PRIMA1: variants seen among roughly 807,000 people sequenced by gnomAD.
PRIMA1 encodes the protein proline-rich membrane anchor 1.
A neutral mutation model predicts 17.5 loss-of-function variants in PRIMA1; 7 were observed. The observed-to-expected ratio is 0.40, with a 90% confidence interval of 0.23 to 0.75. The LOEUF is 0.75. Among genes scored for constraint, PRIMA1 ranks in the 30% least tolerant of loss-of-function variants. The pLI is 0.37. For synonymous variants in PRIMA1, 97 were observed against 77.9 expected (o/e 1.25, Z -1.29); for missense variants, 200 against 201.8 (o/e 0.99, Z 0.05).
intron 4 of PRIMA1, among the ~76,000 whole-genome samples, chr14:93,733,242 C>G (rs764914688): frequency 6.6e-5 from 10 of 152,220 alleles, no homozygotes; most frequent in Non-Finnish European, 1.3e-4. Context: ...ACCTGGCTAC[C>G]AGGTCTGGGC....
At chr14:93,740,718 G>A (rs867237744) in intron 3 of PRIMA1, among the ~76,000 whole-genome samples, 8 of 152,192 alleles carry the variant, frequency 5.3e-5, no homozygotes, top group African/African-American at 1.7e-4. Context: ...TGGAAATATC[G>A]GAGTGGGTGC....
intron 4 of PRIMA1, among the ~76,000 whole-genome samples, chr14:93,733,778 T>C (rs535921686): frequency 6.6e-6 from 1 of 152,368 alleles, no homozygotes; most frequent in African/African-American, 2.4e-5. Context: ...AGATGAATTA[T>C]TGACCAAAAA....
At position 93,722,959 on chromosome 14, in the gene PRIMA1, C is replaced by T. The variant is rs377710358; in HGVS notation, c.360-1413G>A. On this transcript the variant is annotated intron_variant, in intron 4 of 4. Transcript: ENST00000393140. The stretch of plus-strand genomic sequence containing the variant: ...CTAACCCCAAAAGTGGTTTTTCCTA[C>T]GCATATAAGGGATCAGGAAGGCTGG... Among the ~76,000 whole-genome samples, 9 of 152,038 alleles carry T rather than the reference C, an allele frequency of 5.9e-5. No individual in the cohort carries two copies. The South Asian group carries it at 6.2e-4, about 11-fold the overall frequency.
In PRIMA1 at chr14:93,726,976, G is replaced by T. The variant is rs1036390202; in HGVS notation, c.360-5430C>A. Among the ~76,000 whole-genome samples the T allele has an allele frequency of 2.6e-5, 4 of 152,154 alleles. No individual in the cohort carries two copies. The highest frequency in any genetic ancestry group is 4.4e-5 in the Non-Finnish European group (3 of 68,040). ...ACACACACTCAGCGTTCCATGATGA[G>T]ACTCCTCTGTAGACCTCAGACTTCC... is the stretch of plus-strand genomic sequence containing the variant. On this transcript the variant is annotated intron_variant, in intron 4 of 4. Transcript: ENST00000393140. This position sits in a 1 kb window ranked among gnomAD's most constrained non-coding sequence, Gnocchi z 4.2.
chr14:93,778,014 A>G (rs1190147490), intron 3 of PRIMA1, among the ~76,000 whole-genome samples: 1 of 152,236 alleles, frequency 6.6e-6, no homozygotes, highest in Non-Finnish European at 1.5e-5. Context: ...GGATTCTTTC[A>G]GGAGAGAGGA....
intron 3 of PRIMA1, among the ~76,000 whole-genome samples, chr14:93,757,026 A>C (rs1411158362): frequency 6.6e-6 from 1 of 152,134 alleles, no homozygotes; most frequent in Non-Finnish European, 1.5e-5. Context: ...AGAAAACCCA[A>C]CCTTTTTATC....
At chr14:93,739,640 GT>G (rs754647300) in intron 3 of PRIMA1, among the ~76,000 whole-genome samples, 5 of 152,198 alleles carry the variant, frequency 3.3e-5, no homozygotes, top group Non-Finnish European at 5.9e-5. Context: ...GAAGGGAGCA[GT>G]TACTGATTTG....
chr14:93,725,878 T>C (rs2076072131), intron 4 of PRIMA1: 2 of 453,988 alleles, frequency 4.4e-6, no homozygotes, highest in South Asian at 1.6e-5. Flanking sequence ...TAGAGAGAGT[T>C]GTTAGGACCC....
intron 3 of PRIMA1, among the ~76,000 whole-genome samples, chr14:93,771,840 G>C (rs956959584): frequency 2.0e-5 from 3 of 152,154 alleles, no homozygotes; most frequent in African/African-American, 7.2e-5. Context: ...GTGAGGCCCA[G>C]GGAAGGAAAG....
At position 93,787,693 on chromosome 14, in the gene PRIMA1, C is replaced by G. The variant is rs1356463267; in HGVS notation, c.26G>C (p.Arg9Pro). 1 of 1,544,402 alleles carries G rather than the reference C, an allele frequency of 6.5e-7. No homozygotes were observed. The highest frequency in any genetic ancestry group is 1.2e-5 in the South Asian group (1 of 84,026). ...CAGCGAGGACCAGCAGCAGCCACGG[C>G]GCAGCACCAAGTCCCGGAGGAGCAT... MLLRDLVL[R>P]RGCCWSSLLL... Residue 9 changes from arginine (R) to proline (P), a missense_variant, in exon 2 of 5, where the codon CGC (arginine) becomes CCC (proline). Physicochemically the swap from Arg to Pro is moderately radical, Grantham distance 103. Coordinates refer to ENST00000393140, the MANE Select transcript of PRIMA1 (RefSeq NM_178013.4).
intron 3 of PRIMA1, among the ~76,000 whole-genome samples, chr14:93,744,235 C>T (rs939732719): frequency 6.6e-6 from 1 of 152,232 alleles, no homozygotes; most frequent in African/African-American, 2.4e-5. Flanking sequence ...CCACCCTTTC[C>T]CTGCCTCAGG....
At chr14:93,769,414 G>C (rs1026127940) in intron 3 of PRIMA1, among the ~76,000 whole-genome samples, 1 of 152,222 alleles carries the variant, frequency 6.6e-6, no homozygotes, top group African/African-American at 2.4e-5. Flanking sequence ...GACCAGGCAA[G>C]TGGATCACAG....
chr14:93,750,972 C>T (rs1307409658), intron 3 of PRIMA1, among the ~76,000 whole-genome samples: 1 of 152,174 alleles, frequency 6.6e-6, no homozygotes, highest in Admixed American at 6.5e-5. Context: ...CTTGGCCACA[C>T]CATACCCACT....
chr14:93,776,112 A>G (rs1885215081), intron 3 of PRIMA1, among the ~76,000 whole-genome samples: 1 of 152,212 alleles, frequency 6.6e-6, no homozygotes, highest in Admixed American at 6.5e-5. Flanking sequence ...AGCCAGCCTG[A>G]GAGAAAAGGC....
chr14:93,738,092 C>T (rs8010323), intron 3 of PRIMA1, among the ~76,000 whole-genome samples: 101,412 of 151,972 alleles, frequency 0.67, 35,195 homozygotes, highest in Non-Finnish European at 0.78. Flanking sequence ...GGGTATTTGC[C>T]GCTGTCTCAG....
chr14:93,732,615 G>A (rs996055204), intron 4 of PRIMA1, among the ~76,000 whole-genome samples: 3 of 152,224 alleles, frequency 2.0e-5, no homozygotes, highest in Non-Finnish European at 4.4e-5. Context: ...CCAGTGCCTG[G>A]CACCTGGTCC....
intron 4 of PRIMA1, chr14:93,725,792 G>A (rs772084436): frequency 1.9e-5 from 7 of 361,278 alleles, no homozygotes; most frequent in Non-Finnish European, 3.3e-5. Context: ...TGGCCCCACC[G>A]GCTGGCAGCA....
intron 4 of PRIMA1, among the ~76,000 whole-genome samples, chr14:93,725,256 G>C (rs945871546): frequency 1.3e-5 from 2 of 152,128 alleles, no homozygotes; most frequent in Non-Finnish European, 2.9e-5. Context: ...AGGAGCATTC[G>C]GGAGCCCGCG....
rs138554653 is a variant in PRIMA1, at chr14:93,735,747, A to G, written c.359+1494T>C. 6.9e-5 allele frequency among the ~76,000 whole-genome samples: 10 copies of G among 144,448 alleles called. 1 individual carries two copies. In the Middle Eastern group the frequency reaches 0.015, roughly 216 times the overall value. The allele number at this position is 144,448 out of a possible 152,430, so 94.8% of individuals were successfully genotyped here. A position where few individuals can be genotyped will look rare whatever the true frequency, so the allele number is the denominator to read the frequency against. On this transcript the variant is annotated intron_variant, in intron 4 of 4. Transcript: ENST00000393140. Reference sequence around the variant, plus strand: ...CGCTCTGTCGCCCAGTCTGGAGTGCAGTGGTGTGCTCTCAGCGCACTGCAA... The same window carrying G: ...CGCTCTGTCGCCCAGTCTGGAGTGCGGTGGTGTGCTCTCAGCGCACTGCAA...
Sources: gnomAD v4.1 joint callset for allele counts (sites outside exome capture counted in the v4.1 genomes callset) on GRCh38, gnomAD v4.1.1 for gene constraint, Gnocchi (gnomAD v3.1) non-coding constraint, MANE v1.5 for transcripts, NCBI Gene and HGNC (gene_info 2026-07-23, HGNC 2026-07-21) for gene names.